SORD: variants seen among roughly 807,000 people sequenced by gnomAD.
The protein encoded by SORD is sorbitol dehydrogenase.
In SORD, 18 loss-of-function variants were observed where a neutral mutation model predicts 35.6. The ratio of observed to expected loss-of-function variants is 0.51; its 90% CI spans 0.35 to 0.75. The LOEUF is 0.75. Among genes scored for constraint, SORD ranks in the 30% least tolerant of loss-of-function variants. SORD has a pLI of 0.01. For synonymous variants in SORD, 106 were observed against 152.9 expected (o/e 0.69, Z 2.26); for missense variants, 250 against 390.2 (o/e 0.64, Z 3.03).
At chr15:45,052,479 A>G (rs1211804687) in intron 3 of SORD, among the ~76,000 whole-genome samples, 1 of 152,200 alleles carries the variant, frequency 6.6e-6, no homozygotes, top group Admixed American at 6.5e-5. Flanking sequence ...ACAAAGGGCC[A>G]ATAGTGCCCT....
intron 3 of SORD, among the ~76,000 whole-genome samples, chr15:45,053,899 G>GT (rs1288554001): frequency 1.4e-5 from 2 of 138,310 alleles, no homozygotes; most frequent in Non-Finnish European, 3.1e-5. Flanking sequence ...GCGGTGTTTG[G>GT]TTTTTTGTCC....
chr15:45,066,607 C>T (rs1566964677), intron 5 of SORD, among the ~76,000 whole-genome samples: 3 of 152,186 alleles, frequency 2.0e-5, no homozygotes. Context: ...TCTCTCATCC[C>T]CTGTTTCAAG....
intron 4 of SORD, among the ~76,000 whole-genome samples, chr15:45,064,127 G>A (rs1177795479): frequency 1.3e-5 from 2 of 149,348 alleles, no homozygotes; most frequent in Non-Finnish European, 3.0e-5. Flanking sequence ...TCCTGTTCCT[G>A]TGTGTGCAGA....
chr15:45,039,505 A>G (rs1892931393), intron 1 of SORD, among the ~76,000 whole-genome samples: 1 of 152,232 alleles, frequency 6.6e-6, no homozygotes. Flanking sequence ...CCTTGTCACT[A>G]GGACTTTCCT....
intron 3 of SORD, among the ~76,000 whole-genome samples, chr15:45,060,328 T>C (rs1232135166): frequency 6.6e-6 from 1 of 152,234 alleles, no homozygotes; most frequent in African/African-American, 2.4e-5. Context: ...AATTTTGCTG[T>C]ATGTTTGAAA....
intron 4 of SORD, among the ~76,000 whole-genome samples, chr15:45,062,882 C>T (rs1376804815): frequency 8.4e-5 from 12 of 142,064 alleles, no homozygotes; most frequent in Admixed American, 8.3e-4. Flanking sequence ...ACCTCCCTCA[C>T]AGAATTACTG....
intron 6 of SORD, among the ~76,000 whole-genome samples, 188 bp downstream of exon 6, chr15:45,068,434 A>C (rs1377685274): frequency 6.7e-6 from 1 of 148,644 alleles, no homozygotes; most frequent in South Asian, 2.1e-4. Context: ...AGAGAGAGAG[A>C]GTTTGTGTGA....
At chr15:45,067,065 C>CT (rs1331760872) in intron 5 of SORD, among the ~76,000 whole-genome samples, 5 of 152,042 alleles carry the variant, frequency 3.3e-5, no homozygotes, top group Admixed American at 3.3e-4. Flanking sequence ...TTTACCTACT[C>CT]TTTTTTAAAA....
At chr15:45,028,555 T>A (rs116115134) in intron 1 of SORD, among the ~76,000 whole-genome samples, 5,331 of 148,976 alleles carry the variant, frequency 0.036, no homozygotes, top group African/African-American at 0.077. Flanking sequence ...TGTAGTCAGA[T>A]TTTTGTTATG....
At chr15:45,035,463 C>CGCGG (rs1555409087) in intron 1 of SORD, among the ~76,000 whole-genome samples, 1 of 151,684 alleles carries the variant, frequency 6.6e-6, no homozygotes, top group African/African-American at 2.4e-5. Context: ...TCTAGCTAAT[C>CGCGG]TGGGGGGGAG....
At chr15:45,068,308 A>C (rs1372113928) in intron 6 of SORD, 62 bp downstream of exon 6, 2 of 1,195,922 alleles carry the variant, frequency 1.7e-6, no homozygotes, top group Non-Finnish European at 1.3e-6. Context: ...CTGTATGTGC[A>C]TGTGTGAGGA....
chr15:45,025,037 G>T, intron 1 of SORD, among the ~76,000 whole-genome samples: 1 of 152,178 alleles, frequency 6.6e-6, no homozygotes, highest in East Asian at 1.9e-4. Flanking sequence ...CTATGGTTCC[G>T]TAGACAAAGC....
intron 3 of SORD, among the ~76,000 whole-genome samples, chr15:45,046,741 G>A (rs139660788): frequency 4.6e-5 from 7 of 152,098 alleles, no homozygotes; most frequent in Admixed American, 1.3e-4. Flanking sequence ...AAGTCAGCCG[G>A]GCATAATAGC....
chr15:45,025,097 A>G (rs1399749462), intron 1 of SORD, among the ~76,000 whole-genome samples: 1 of 152,214 alleles, frequency 6.6e-6, no homozygotes, highest in Non-Finnish European at 1.5e-5. Context: ...TCAGCTTTGC[A>G]TTAGAACCCA....
intron 3 of SORD, among the ~76,000 whole-genome samples, chr15:45,057,342 T>C (rs1373872279): frequency 1.3e-5 from 2 of 152,222 alleles, no homozygotes; most frequent in Non-Finnish European, 2.9e-5. Flanking sequence ...CTAACATGCA[T>C]GTGCTGTAAA....
At chr15:45,023,694 T>C (rs1892625839) in intron 1 of SORD, among the ~76,000 whole-genome samples, 1 of 152,366 alleles carries the variant, frequency 6.6e-6, no homozygotes, top group African/African-American at 2.4e-5. Flanking sequence ...AAGGAAATGC[T>C]AAGGCTGTCT....
chr15:45,067,815 C>A (rs1006163088), intron 5 of SORD, among the ~76,000 whole-genome samples: 58 of 152,098 alleles, frequency 3.8e-4, no homozygotes, highest in African/African-American at 5.3e-4. Context: ...CAAAGAAAGA[C>A]CAGGAAAACA....
intron 3 of SORD, among the ~76,000 whole-genome samples, chr15:45,047,917 C>T (rs961951247): frequency 1.7e-4 from 26 of 152,340 alleles, no homozygotes; most frequent in African/African-American, 4.8e-4. Context: ...CAGATTCAGA[C>T]GGAGTTTAAA....
chr15:45,066,641 C>A (rs1283486868), intron 5 of SORD, among the ~76,000 whole-genome samples: 2 of 152,130 alleles, frequency 1.3e-5, no homozygotes, highest in Non-Finnish European at 2.9e-5. Context: ...GCCCTAGCAG[C>A]CTTAGACCAA....
Sources: gnomAD v4.1 joint callset for allele counts (sites outside exome capture counted in the v4.1 genomes callset) on GRCh38, gnomAD v4.1.1 for gene constraint, MANE v1.5 for transcripts, NCBI Gene and HGNC (gene_info 2026-07-23, HGNC 2026-07-21) for gene names.